CLVS1: variants seen among roughly 807,000 people sequenced by gnomAD.
The protein encoded by CLVS1 is clavesin-1.
In CLVS1, 10 loss-of-function variants were observed where a neutral mutation model predicts 33.1. The observed-to-expected ratio is 0.30, with a 90% confidence interval of 0.19 to 0.51. The LOEUF (loss-of-function observed/expected upper bound fraction) is 0.51. CLVS1 is among the 20% of genes least tolerant of loss of function. CLVS1 has a pLI of 0.97. For missense variants in CLVS1, 343 were observed against 433.4 expected (o/e 0.79, Z 1.85); for synonymous variants, 163 against 166.1 (o/e 0.98, Z 0.14).
At chr8:61,126,171 C>T (rs780221930) in intron 1 of CLVS1, among the ~76,000 whole-genome samples, 44 of 152,174 alleles carry the variant, frequency 2.9e-4, no homozygotes, top group Non-Finnish European at 3.8e-4. Flanking sequence ...TCTTTACACA[C>T]ATATGCACAC....
chr8:61,429,171 C>T (rs1816014351), intron 3 of CLVS1, among the ~76,000 whole-genome samples: 2 of 152,054 alleles, frequency 1.3e-5, no homozygotes, highest in African/African-American at 4.8e-5. Flanking sequence ...CCTGTAATCC[C>T]AGCACTTTGG....
At chr8:61,155,050 G>A (rs180833724) in intron 2 of CLVS1, among the ~76,000 whole-genome samples, 11 of 152,106 alleles carry the variant, frequency 7.2e-5, no homozygotes, top group East Asian at 1.9e-4. Context: ...AAGGAGAGTC[G>A]CAGGCTCTGG....
intron 2 of CLVS1, chr8:61,202,833 TGAAGATGATGATGATGATGAA>T (rs1271300991): frequency 8.7e-6 from 9 of 1,031,354 alleles, no homozygotes; most frequent in Admixed American, 3.5e-5. Flanking sequence ...TTGCTGCTGA[TGAAGATGATGATGATGATGAA>T]GAAGATGATG....
At chr8:61,369,893 C>T (rs1042687793) in intron 2 of CLVS1, among the ~76,000 whole-genome samples, 1 of 152,050 alleles carries the variant, frequency 6.6e-6, no homozygotes, top group Non-Finnish European at 1.5e-5. Context: ...ATTTGCCTCT[C>T]CACCTTGGCT....
At chr8:61,426,583 AGTG>A (rs1213699746) in intron 3 of CLVS1, among the ~76,000 whole-genome samples, 1 of 152,180 alleles carries the variant, frequency 6.6e-6, no homozygotes, top group East Asian at 1.9e-4. Flanking sequence ...GACAGTATTC[AGTG>A]GAGGATCGGG....
intron 2 of CLVS1, among the ~76,000 whole-genome samples, chr8:61,356,629 A>G (rs1245041302): frequency 6.6e-6 from 1 of 152,132 alleles, no homozygotes; most frequent in Non-Finnish European, 1.5e-5. Flanking sequence ...AGCTTTCTAC[A>G]TATGGTTAGC....
At chr8:61,400,753 A>T (rs748565344) in intron 3 of CLVS1, among the ~76,000 whole-genome samples, 3 of 152,070 alleles carry the variant, frequency 2.0e-5, no homozygotes, top group Non-Finnish European at 4.4e-5. Context: ...ACGATGTTGA[A>T]TTTTATCGAA....
At chr8:61,489,887 G>A (rs1263321737) in intron 5 of CLVS1, among the ~76,000 whole-genome samples, 4 of 152,234 alleles carry the variant, frequency 2.6e-5, no homozygotes, top group Non-Finnish European at 4.4e-5. Flanking sequence ...ACTCTCTGCA[G>A]CAGGAAATTG....
chr8:61,462,423 C>A (rs896910860), intron 5 of CLVS1, among the ~76,000 whole-genome samples: 2 of 152,084 alleles, frequency 1.3e-5, no homozygotes, highest in Non-Finnish European at 2.9e-5. Flanking sequence ...CTTGCTCTGT[C>A]ACACAGGCTG....
intron 1 of CLVS1, among the ~76,000 whole-genome samples, chr8:61,105,643 T>C (rs921508100): frequency 1.3e-5 from 2 of 152,358 alleles, no homozygotes; most frequent in African/African-American, 4.8e-5. Flanking sequence ...GTAGAGACTG[T>C]CATTTGTAAA....
intron 2 of CLVS1, among the ~76,000 whole-genome samples, chr8:61,302,207 A>G (rs3844336): frequency 0.26 from 40,138 of 152,066 alleles, 7,798 homozygotes; most frequent in East Asian, 0.84. Flanking sequence ...CTATCAGTCT[A>G]GAATTTGGTC....
At position 61,499,491 on chromosome 8, in the gene CLVS1, TGAG is replaced by T. The variant is rs35623706; in HGVS notation, c.1018_1020del (p.Glu340del). 8.3e-3 allele frequency: 13,317 copies of T among 1,613,564 alleles called. 68 individuals carry two copies. The highest frequency in any genetic ancestry group is 0.01 in the Non-Finnish European group (12,209 of 1,179,570). ...TGGTAGAAGCTGGGACCCTGAAACA[TGAG>T]GAGAAGGGAGAGAATGAGAACACCC... On this transcript the variant is annotated inframe_deletion, in exon 6 of 6. Transcript: ENST00000325897.
At chr8:61,300,348 G>C (rs1810382290) in intron 2 of CLVS1, 66 bp downstream of exon 2, 2 of 1,349,100 alleles carry the variant, frequency 1.5e-6, no homozygotes. Flanking sequence ...CATGTTTGGG[G>C]TTGTATGGCT....
chr8:61,290,627 G>A (rs1809952331), intron 1 of CLVS1, among the ~76,000 whole-genome samples: 1 of 152,186 alleles, frequency 6.6e-6, no homozygotes, highest in Non-Finnish European at 1.5e-5. Context: ...TCCCTAAGAA[G>A]TCTATTCACA....
At chr8:60,971,161 C>T in the CLVS1 span, among the ~76,000 whole-genome samples, 2 of 148,682 alleles carry the variant, frequency 1.3e-5, no homozygotes, top group South Asian at 2.1e-4. Context: ...ACTGCAACCT[C>T]GACCTCCTTA....
chr8:61,164,703 C>T (rs147398698), intron 2 of CLVS1, among the ~76,000 whole-genome samples: 1 of 152,250 alleles, frequency 6.6e-6, no homozygotes, highest in East Asian at 1.9e-4. Flanking sequence ...AGCTACTTCT[C>T]CCCCCACACA....
rs372983692 is a variant in CLVS1 at position 61,387,466 on chromosome 8, C to CTTTT, written c.630+10705_630+10708dup. ...AAGACAAAATTCCACTGTACAGTTC[C>CTTTT]TTTTTTTTTTTTTTTTTTTTTAAAT... On this transcript the variant is annotated intron_variant, in intron 3 of 5. Coordinates refer to ENST00000325897, the MANE Select transcript of CLVS1 (RefSeq NM_173519.3). Among the ~76,000 whole-genome samples, 944 of 109,224 alleles carry CTTTT rather than the reference C, an allele frequency of 8.6e-3. 28 individuals are homozygous for CTTTT. The highest frequency in any genetic ancestry group is 0.048 in the East Asian group (169 of 3,488). The allele number at this position is 109,224 out of a possible 152,430, so 71.7% of individuals were successfully genotyped here. A position where few individuals can be genotyped will look rare whatever the true frequency, so the allele number is the denominator to read the frequency against.
intron 2 of CLVS1, among the ~76,000 whole-genome samples, chr8:61,164,500 C>T (rs1468304799): frequency 6.6e-6 from 1 of 152,182 alleles, no homozygotes; most frequent in Non-Finnish European, 1.5e-5. Context: ...CAACATCTGT[C>T]TGACAACATG....
intron 2 of CLVS1, among the ~76,000 whole-genome samples, chr8:61,163,682 C>T (rs1434023878): frequency 2.6e-5 from 4 of 152,100 alleles, no homozygotes; most frequent in Non-Finnish European, 1.5e-5. Flanking sequence ...TGTCAGAAGC[C>T]GTGGGTTGTG....
Sources: allele counts gnomAD v4.1 joint callset (sites outside exome capture counted in the v4.1 genomes callset), GRCh38; gene constraint gnomAD v4.1.1; transcripts MANE v1.5; gene names NCBI Gene and HGNC (gene_info 2026-07-23, HGNC 2026-07-21).